The following URGCP variants were observed in gnomAD, a reference collection of about 807,000 sequenced individuals.
The protein encoded by URGCP is up-regulator of cell proliferation.
In URGCP, 13 loss-of-function variants were observed where a neutral mutation model predicts 24.6. That is an observed-to-expected ratio of 0.53 (90% CI 0.34 to 0.84). URGCP has a LOEUF of 0.84. Among genes scored for constraint, URGCP ranks in the 40% least tolerant of loss-of-function variants. URGCP has a pLI of 0.01. For missense variants in URGCP, 899 were observed against 1,194.3 expected (o/e 0.75, Z 3.64); for synonymous variants, 444 against 487.2 (o/e 0.91, Z 1.17).
intron 5 of URGCP, among the ~76,000 whole-genome samples, chr7:43,881,452 T>C (rs1004606777): frequency 2.6e-5 from 4 of 151,186 alleles, no homozygotes; most frequent in Non-Finnish European, 5.9e-5. Context: ...GGTTACTCTA[T>C]GTGGTTAGCA....
intron 1 of URGCP, among the ~76,000 whole-genome samples, chr7:43,915,378 G>T (rs1010753240): frequency 6.6e-6 from 1 of 152,190 alleles, no homozygotes; most frequent in Non-Finnish European, 1.5e-5. Context: ...AGAGGAAACT[G>T]CACCCCCTCA....
intron 1 of URGCP, chr7:43,905,629 C>G (rs2095900345): frequency 6.6e-6 from 1 of 152,102 alleles, no homozygotes. Flanking sequence ...ACCTGTAAAG[C>G]TCTTTGGGAA....
chr7:43,893,337 AT>A (rs1431378264), intron 1 of URGCP, among the ~76,000 whole-genome samples: 1 of 152,096 alleles, frequency 6.6e-6, no homozygotes, highest in Non-Finnish European at 1.5e-5. Flanking sequence ...CTCAAAAAAA[AT>A]ATGTATTTTT....
At chr7:43,888,933 G>A (rs751703359) in intron 1 of URGCP, 1 of 152,286 alleles carries the variant, frequency 6.6e-6, no homozygotes, top group Non-Finnish European at 1.5e-5. Flanking sequence ...GAAAGAACAG[G>A]AGGAGCCTGA....
chr7:43,896,711 C>G (rs1393909830), intron 1 of URGCP, among the ~76,000 whole-genome samples: 1 of 152,102 alleles, frequency 6.6e-6, no homozygotes, highest in Non-Finnish European at 1.5e-5. Flanking sequence ...ACTGCACAAA[C>G]AGTAAACAAA....
intron 3 of URGCP, 125 bp from the exon 4 acceptor site, chr7:43,882,082 G>C: frequency 6.7e-7 from 1 of 1,491,132 alleles, no homozygotes; most frequent in Non-Finnish European, 8.9e-7. Context: ...AGGAGTGCTT[G>C]AGTCCAGGAG....
At chr7:43,909,067 T>C (rs887273157), upstream of URGCP, among the ~76,000 whole-genome samples, 2 of 152,154 alleles carry the variant, frequency 1.3e-5, no homozygotes, top group African/African-American at 4.8e-5. Context: ...AGCCAAAACA[T>C]CCCATAAACA....
At chr7:43,906,456 C>T in intron 1 of URGCP, 106 bp downstream of exon 1, 4 of 1,062,480 alleles carry the variant, frequency 3.8e-6, no homozygotes, top group Non-Finnish European at 4.5e-6. Context: ...CTGGCCGGGT[C>T]CGGGCCGCAT....
At chr7:43,881,043 A>G in intron 5 of URGCP, 3 of 618,446 alleles carry the variant, frequency 4.9e-6, no homozygotes, top group South Asian at 1.9e-5. Context: ...TTACAAAAAC[A>G]AAAGTACTAT....
intron 3 of URGCP, among the ~76,000 whole-genome samples, chr7:43,886,286 C>G (rs527575918): frequency 6.6e-6 from 1 of 152,238 alleles, no homozygotes; most frequent in South Asian, 2.1e-4. Context: ...CTGTATCCAG[C>G]CTAAAATAAA....
At chr7:43,881,272 T>C in intron 5 of URGCP, 1 of 701,128 alleles carries the variant, frequency 1.4e-6, no homozygotes, top group Non-Finnish European at 2.6e-6. Flanking sequence ...CCCAGTATCC[T>C]GATCTGCAAA....
chr7:43,880,680 C>G (rs1176510235), intron 5 of URGCP, among the ~76,000 whole-genome samples: 1 of 152,216 alleles, frequency 6.6e-6, no homozygotes, highest in Non-Finnish European at 1.5e-5. Context: ...CTCAAATGAT[C>G]TGCCTGCCTC....
At chr7:43,887,285 AG>A (rs1476110060) in intron 3 of URGCP, 129 bp downstream of exon 3, 1 of 1,018,672 alleles carries the variant, frequency 9.8e-7, no homozygotes, top group African/African-American at 1.6e-5. Context: ...GAAAAATAAA[AG>A]CCTTAAACTT....
At chr7:43,919,637 C>G in intron 1 of URGCP, 2 of 1,379,854 alleles carry the variant, frequency 1.4e-6, no homozygotes, top group South Asian at 1.2e-5. Flanking sequence ...ACCGCCAGAC[C>G]AACCACTCCT....
rs958059152 is a variant in URGCP at position 43,876,598 on chromosome 7, C to T, written c.*69G>A. 2.6e-6 allele frequency: 4 copies of T among 1,529,812 alleles called. No individual in the cohort carries two copies. Among genetic ancestry groups the T allele is most frequent in the Middle Eastern group, 1.8e-4 (1 of 5,544 alleles). The allele number at this position is 1,529,812 out of a possible 1,614,324, so 94.8% of individuals were successfully genotyped here. ...TCTCAGGCACCAGAGCACAGCCCCA[C>T]ACGGGTGCCCCATCAGACAGGGCTG... On this transcript the variant is annotated 3_prime_UTR_variant, in exon 6 of 6. Transcript: ENST00000453200.
Position 43,876,727 on chromosome 7 carries a change from G to A in URGCP, c.2736C>T (p.Asn912=), listed in dbSNP as rs201985854. Residue 912 remains asparagine (N), a synonymous_variant, in exon 6 of 6, where the codon AAC becomes AAT. Transcript: ENST00000453200. The part of the protein sequence containing the change: ...LKRCLLENIR[N]GLSNQNKNIQ... ...TGTTTTTGTTTTGGTTCGACAAGCC[G>A]TTCCTGATGTTTTCGAGTAGGCATC... 160 of 1,614,194 alleles carry A rather than the reference G, an allele frequency of 9.9e-5. 1 individual carries two copies. The highest frequency in any genetic ancestry group is 6.6e-4 in the Middle Eastern group (4 of 6,062).
chr7:43,876,743 A>AGTAG lies in URGCP; in HGVS notation c.2716_2719dup (p.Leu907ProfsTer21), dbSNP rs1347750837. On this transcript the variant is annotated frameshift_variant, in exon 6 of 6. Coordinates refer to ENST00000453200, the MANE Select transcript of URGCP (RefSeq NM_001077663.3). LOFTEE classifies it high-confidence loss of function. ...CGACAAGCCGTTCCTGATGTTTTCG[A>AGTAG]GTAGGCATCTCTTCAATTCAAATAT... is the stretch of plus-strand genomic sequence containing the variant. 6.2e-7 allele frequency: 1 copy of AGTAG among 1,614,110 alleles called. No homozygotes were observed. The highest frequency in any genetic ancestry group is 8.5e-7 in the Non-Finnish European group (1 of 1,180,046).
intron 2 of URGCP, 129 bp from the exon 3 acceptor site, chr7:43,887,614 C>T: frequency 6.8e-7 from 1 of 1,478,686 alleles, no homozygotes; most frequent in East Asian, 2.5e-5. Context: ...ACCCCAGATC[C>T]ATGAAACCAG....
rs143589975 is a variant in URGCP at position 43,891,908 on chromosome 7, A to G, written c.15-4092T>C. On this transcript the variant is annotated intron_variant, in intron 1 of 5. Coordinates refer to ENST00000453200, the MANE Select transcript of URGCP (RefSeq NM_001077663.3). ...GCAATTCTCCTGCCTCAGCCTCCTGAGTAGCTGAGATTACAGCCATGTGCC... is the reference window on the plus strand; with the variant it reads ...GCAATTCTCCTGCCTCAGCCTCCTGGGTAGCTGAGATTACAGCCATGTGCC... Among the ~76,000 whole-genome samples the G allele has an allele frequency of 6.7e-3, 1,011 of 151,980 alleles. 6 individuals carry two copies. Among genetic ancestry groups the G allele is most frequent in the Non-Finnish European group, 0.01 (692 of 67,988 alleles).
Sources: allele counts gnomAD v4.1 joint callset (sites outside exome capture counted in the v4.1 genomes callset), GRCh38; gene constraint gnomAD v4.1.1; transcripts MANE v1.5; gene names NCBI Gene and HGNC (gene_info 2026-07-23, HGNC 2026-07-21).